Variants in KIRREL3 observed in about 807,000 individuals in gnomAD.
The protein encoded by KIRREL3 is kin of IRRE-like protein 3.
KIRREL3 carries 36 observed loss-of-function variants against 89.7 expected under a neutral mutation model. That is an observed-to-expected ratio of 0.40 (90% confidence interval 0.31 to 0.53). The LOEUF (loss-of-function observed/expected upper bound fraction) is 0.53, where lower values mean the gene tolerates loss of function less well. Among genes scored for constraint, KIRREL3 ranks in the 20% least tolerant of loss-of-function variants. The probability of loss-of-function intolerance (pLI) is 0.49; values close to 1 mark genes in which losing one functional copy is unlikely to be tolerated. For missense variants in KIRREL3, 864 were observed against 1,056.6 expected (o/e 0.82, Z 2.53); for synonymous variants, 445 against 441.4 (o/e 1.01, Z -0.10).
At chr11:126,789,997 C>T (rs1950590364) in intron 1 of KIRREL3, among the ~76,000 whole-genome samples, 1 of 152,206 alleles carries the variant, frequency 6.6e-6, no homozygotes, top group South Asian at 2.1e-4. Context: ...ACGACACAGT[C>T]CTGAACCTCT....
chr11:126,424,307 A>C lies in KIRREL3; in HGVS notation c.*273T>G. 2.0e-6 allele frequency: 1 copy of C among 507,508 alleles called. No homozygotes were observed. The highest frequency in any genetic ancestry group is 3.3e-5 in the East Asian group (1 of 30,008). The allele number at this position is 507,508 out of a possible 1,614,324, so 31.4% of individuals were successfully genotyped here. ...CAGGTGGTAGAGGGGCCTCCAGGAA[A>C]GGGCCGGGGACACGGGTGTCCAGCA... On this transcript the variant is annotated 3_prime_UTR_variant, in exon 17 of 17. Transcript: ENST00000525144.
rs1481762365 is a variant in KIRREL3, at chr11:126,694,500, C to T, written c.56-131588G>A. ...AGGGCGAGCGTGGAGAATGATTGCT[C>T]AGGCCTCCATCAGCTCCAGGCGGGT... On this transcript the variant is annotated intron_variant, in intron 1 of 16. Transcript: ENST00000525144. This position sits in a 1 kb window ranked among gnomAD's most constrained non-coding sequence, Gnocchi z 4.4. Among the ~76,000 whole-genome samples, 3 of 152,114 alleles carry T rather than the reference C, an allele frequency of 2.0e-5. No homozygotes were observed. The highest frequency in any genetic ancestry group is 4.8e-5 in the African/African-American group (2 of 41,398).
chr11:126,999,036 C>G lies in KIRREL3; in HGVS notation c.55+1419G>C, dbSNP rs982442904. Among the ~76,000 whole-genome samples, 1 of 149,764 alleles carries G rather than the reference C, an allele frequency of 6.7e-6. No individual in the cohort carries two copies. Among genetic ancestry groups the G allele is most frequent in the African/African-American group, 2.5e-5 (1 of 40,370 alleles). ...AATATAACTGAACCTGTCTCTATACCAGTGTTCTGAGAGAGTTCTTATTCA... is the reference window on the plus strand; with the variant it reads ...AATATAACTGAACCTGTCTCTATACGAGTGTTCTGAGAGAGTTCTTATTCA... On this transcript the variant is annotated intron_variant, in intron 1 of 16. Coordinates refer to ENST00000525144, the MANE Select transcript of KIRREL3 (RefSeq NM_032531.4). The surrounding 1 kb of genome is among the most constrained non-coding windows in gnomAD (Gnocchi z 5.7).
In KIRREL3 at chr11:126,446,751, A is replaced by C. The variant is rs368472425; in HGVS notation, c.1125+8T>G. The stretch of plus-strand genomic sequence containing the variant: ...AGAGGTGCCCCGAGGTCTGAGCTGC[A>C]GCCTCACCACTCCGGAGCCCCGCTT... On this transcript the variant is annotated splice_region_variant and intron_variant, in intron 9 of 16. Transcript: ENST00000525144. The C allele has an allele frequency of 1.3e-6, 2 of 1,596,864 alleles. No homozygotes were observed. Among genetic ancestry groups the C allele is most frequent in the Admixed American group, 1.7e-5 (1 of 57,886 alleles).
intron 1 of KIRREL3, among the ~76,000 whole-genome samples, chr11:126,920,810 C>T (rs561376062): frequency 6.6e-6 from 1 of 152,314 alleles, no homozygotes; most frequent in African/African-American, 2.4e-5. Flanking sequence ...GAAAACCCCG[C>T]GCCTAGGTCA....
At position 126,475,636 on chromosome 11, in the gene KIRREL3, C is replaced by T. The variant is rs1007559532; in HGVS notation, c.434-2170G>A. ...CCTGCCTGGCCCTGGGCTCTTGAGCCGGGAGGAAGCAGGCATGAATGGGAT... is the reference window on the plus strand; with the variant it reads ...CCTGCCTGGCCCTGGGCTCTTGAGCTGGGAGGAAGCAGGCATGAATGGGAT... On this transcript the variant is annotated intron_variant, in intron 4 of 16. Transcript: ENST00000525144. This position sits in a 1 kb window ranked among gnomAD's most constrained non-coding sequence, Gnocchi z 7.5. Among the ~76,000 whole-genome samples the T allele has an allele frequency of 4.5e-4, 69 of 152,214 alleles. No individual in the cohort carries two copies. The highest frequency in any genetic ancestry group is 1.0e-3 in the African/African-American group (42 of 41,530).
rs1026323995 is a variant in KIRREL3 at position 126,544,909 on chromosome 11, A to G, written c.133+17926T>C. On this transcript the variant is annotated intron_variant, in intron 2 of 16. Transcript: ENST00000525144. The surrounding 1 kb of genome is among the most constrained non-coding windows in gnomAD (Gnocchi z 5.6). The stretch of plus-strand genomic sequence containing the variant: ...CCTCTAACCTATTTAGGCCACAGAG[A>G]GGGGAGAAGACACAATAATGAAAAA... Among the ~76,000 whole-genome samples the G allele has an allele frequency of 6.6e-6, 1 of 152,092 alleles. No individual in the cohort carries two copies. The highest frequency in any genetic ancestry group is 2.4e-5 in the African/African-American group (1 of 41,408).
intron 1 of KIRREL3, among the ~76,000 whole-genome samples, chr11:126,845,565 G>T (rs576218815): frequency 1.3e-5 from 2 of 152,050 alleles, no homozygotes; most frequent in Admixed American, 1.3e-4. Flanking sequence ...AAGATGGCCC[G>T]GAAAACTGGT....
At chr11:126,774,419 G>A (rs568338059) in intron 1 of KIRREL3, among the ~76,000 whole-genome samples, 2 of 152,218 alleles carry the variant, frequency 1.3e-5, no homozygotes, top group African/African-American at 4.8e-5. Flanking sequence ...CTTTGACTTT[G>A]TTCTCAGATA....
In KIRREL3 at chr11:126,523,075, C is replaced by T. The variant is rs540061178; in HGVS notation, c.284-1611G>A. Among the ~76,000 whole-genome samples, 1 of 152,276 alleles carries T rather than the reference C, an allele frequency of 6.6e-6. No individual in the cohort carries two copies. The highest frequency in any genetic ancestry group is 2.1e-4 in the South Asian group (1 of 4,826). On this transcript the variant is annotated intron_variant, in intron 3 of 16. Transcript: ENST00000525144. This position sits in a 1 kb window ranked among gnomAD's most constrained non-coding sequence, Gnocchi z 4.9. Reference sequence around the variant, plus strand: ...GTGGGTTGGGCATGTTCCTGAGCTCCCAAGGGCAGCACCAGCACCAACAGG... The same window carrying T: ...GTGGGTTGGGCATGTTCCTGAGCTCTCAAGGGCAGCACCAGCACCAACAGG...
At chr11:126,674,877 G>A (rs904239136) in intron 1 of KIRREL3, among the ~76,000 whole-genome samples, 7 of 152,216 alleles carry the variant, frequency 4.6e-5, no homozygotes, top group Non-Finnish European at 8.8e-5. Flanking sequence ...CCATTTGGAT[G>A]GCTGGAGGAG....
At chr11:126,480,213 C>T (rs969470740) in intron 4 of KIRREL3, among the ~76,000 whole-genome samples, 14 of 152,218 alleles carry the variant, frequency 9.2e-5, no homozygotes, top group African/African-American at 2.7e-4. Context: ...AACCTTAATC[C>T]TCTTATCTGG....
chr11:126,733,176 C>T (rs1422042476), intron 1 of KIRREL3, among the ~76,000 whole-genome samples: 14 of 152,174 alleles, frequency 9.2e-5, no homozygotes, highest in Admixed American at 9.2e-4. Flanking sequence ...TTCGGCTGAA[C>T]TTTTCAGAGC....
chr11:126,769,723 T>G lies in KIRREL3; in HGVS notation c.56-206811A>C, dbSNP rs1211740254. 6.6e-6 allele frequency among the ~76,000 whole-genome samples: 1 copy of G among 152,156 alleles called. No homozygotes were observed. Among genetic ancestry groups the G allele is most frequent in the Non-Finnish European group, 1.5e-5 (1 of 68,024 alleles). On this transcript the variant is annotated intron_variant, in intron 1 of 16. Transcript: ENST00000525144. The surrounding 1 kb of genome is among the most constrained non-coding windows in gnomAD (Gnocchi z 4.3). ...TTGTCCTTGGTGAGCTCACATCTTA[T>G]AGCTTCCAGGGGCAAGGTGGAGGGT...
Position 126,811,324 on chromosome 11 carries a change from A to C in KIRREL3, c.55+189131T>G, listed in dbSNP as rs1951380015. 6.6e-6 allele frequency among the ~76,000 whole-genome samples: 1 copy of C among 152,134 alleles called. No individual in the cohort carries two copies. The highest frequency in any genetic ancestry group is 1.5e-5 in the Non-Finnish European group (1 of 68,030). On this transcript the variant is annotated intron_variant, in intron 1 of 16. Coordinates refer to ENST00000525144, the MANE Select transcript of KIRREL3 (RefSeq NM_032531.4). The surrounding 1 kb of genome is among the most constrained non-coding windows in gnomAD (Gnocchi z 4.3). Reference sequence around the variant, plus strand: ...ACCCAGAACCGAGTGACTGTTATGGAGCTACGAGGTCCTTGTCTGAATTCT... The same window carrying C: ...ACCCAGAACCGAGTGACTGTTATGGCGCTACGAGGTCCTTGTCTGAATTCT...
rs186465661 is a variant in KIRREL3 at position 126,558,686 on chromosome 11, C to T, written c.133+4149G>A. Among the ~76,000 whole-genome samples the T allele has an allele frequency of 1.4e-4, 21 of 152,266 alleles. No homozygotes were observed. The highest frequency in any genetic ancestry group is 4.8e-4 in the African/African-American group (20 of 41,554). Reference sequence around the variant, plus strand: ...GCCCCTCCCCTGATACATGTGACAGCCTTCTACTCTGCCTGGGAATAGGAT... The same window carrying T: ...GCCCCTCCCCTGATACATGTGACAGTCTTCTACTCTGCCTGGGAATAGGAT... On this transcript the variant is annotated intron_variant, in intron 2 of 16. Coordinates refer to ENST00000525144, the MANE Select transcript of KIRREL3 (RefSeq NM_032531.4). This position sits in a 1 kb window ranked among gnomAD's most constrained non-coding sequence, Gnocchi z 4.0.
intron 4 of KIRREL3, among the ~76,000 whole-genome samples, chr11:126,487,841 G>A (rs1259270660): frequency 6.6e-6 from 1 of 152,250 alleles, no homozygotes; most frequent in Non-Finnish European, 1.5e-5. Flanking sequence ...ACTCCAGAGT[G>A]GAACTCAGCA....
intron 1 of KIRREL3, among the ~76,000 whole-genome samples, chr11:126,743,301 G>A (rs1949040702): frequency 1.3e-5 from 2 of 152,194 alleles, no homozygotes; most frequent in African/African-American, 4.8e-5. Flanking sequence ...CTAGCTTCAT[G>A]TTAGTCTATC....
intron 1 of KIRREL3, among the ~76,000 whole-genome samples, chr11:126,580,836 G>GA (rs561711021): frequency 1.4e-5 from 2 of 140,812 alleles, no homozygotes; most frequent in Admixed American, 1.4e-4. Flanking sequence ...GGAATTTCCT[G>GA]TTTTTTTTTT....
Sources: gnomAD v4.1 joint callset for allele counts (sites outside exome capture counted in the v4.1 genomes callset) on GRCh38, gnomAD v4.1.1 for gene constraint, Gnocchi (gnomAD v3.1) non-coding constraint, MANE v1.5 for transcripts, NCBI Gene and HGNC (gene_info 2026-07-23, HGNC 2026-07-21) for gene names.